The following INTS8 variants were observed in gnomAD, a reference collection of about 807,000 sequenced individuals.
The protein encoded by INTS8 is protein kaonashi-1.
INTS8 carries 47 observed loss-of-function variants against 138.9 expected under a neutral mutation model. The observed-to-expected ratio is 0.34, with a 90% CI of 0.27 to 0.43. The LOEUF is 0.43. Among genes scored for constraint, INTS8 ranks in the 20% least tolerant of loss-of-function variants. The pLI, the probability that INTS8 is intolerant of heterozygous loss-of-function variation, is 1.00. For synonymous variants in INTS8, 392 were observed against 400.9 expected (o/e 0.98, Z 0.27); for missense variants, 996 against 1,173.0 (o/e 0.85, Z 2.20).
At chr8:94,877,206 C>G (rs1427237493) in intron 26 of INTS8, among the ~76,000 whole-genome samples, 3 of 152,130 alleles carry the variant, frequency 2.0e-5, no homozygotes, top group Non-Finnish European at 4.4e-5. Flanking sequence ...TGGGCCAAAA[C>G]ATTTTAAATT....
At chr8:94,849,361 GA>G in intron 10 of INTS8, 100 bp from the exon 11 acceptor site, 1 of 722,220 alleles carries the variant, frequency 1.4e-6, no homozygotes, top group Non-Finnish European at 2.4e-6. Flanking sequence ...GTACATTGTT[GA>G]AAAAGGAAAA....
At chr8:94,879,954 C>G in intron 26 of INTS8, 164 bp from the exon 27 acceptor site, 1 of 508,244 alleles carries the variant, frequency 2.0e-6, no homozygotes, top group East Asian at 3.4e-5. Context: ...CCTGGTTAAT[C>G]TTTATGTTAA....
intron 20 of INTS8, among the ~76,000 whole-genome samples, chr8:94,871,465 G>A (rs1331286487): frequency 6.6e-6 from 1 of 151,368 alleles, no homozygotes; most frequent in Non-Finnish European, 1.5e-5. Flanking sequence ...GCGACAGAGT[G>A]AGACTCCGTC....
Position 94,836,515 on chromosome 8 carries a change from T to A in INTS8, c.754-9T>A, listed in dbSNP as rs1010004860. ...TTGTTAAGCAAATTGGTGTTCATTA[T>A]TATTTCAGGTGTGCTATGATTTGGG... On this transcript the variant is annotated splice_polypyrimidine_tract_variant and intron_variant, in intron 6 of 26. Transcript: ENST00000523731. 2.5e-6 allele frequency: 4 copies of A among 1,606,612 alleles called. No individual in the cohort carries two copies. The highest frequency in any genetic ancestry group is 3.4e-6 in the Non-Finnish European group (4 of 1,174,272).
intron 16 of INTS8, among the ~76,000 whole-genome samples, chr8:94,861,056 CAAAAAAA>C (rs1195647511): frequency 1.0e-4 from 10 of 99,742 alleles, no homozygotes; most frequent in African/African-American, 3.5e-4. Flanking sequence ...GACTCTGTCT[CAAAAAAA>C]AAAAAAAAAA....
At chr8:94,861,414 G>GCAA (rs1563663646) in intron 16 of INTS8, among the ~76,000 whole-genome samples, 1 of 147,638 alleles carries the variant, frequency 6.8e-6, no homozygotes, top group Non-Finnish European at 1.5e-5. Context: ...GGCGCCCACT[G>GCAA]CCATGCCCGG....
intron 15 of INTS8, among the ~76,000 whole-genome samples, chr8:94,857,919 A>T (rs1815813718): frequency 6.6e-6 from 1 of 152,272 alleles, no homozygotes; most frequent in Non-Finnish European, 1.5e-5. Flanking sequence ...TGTTTGAAAG[A>T]ATCAAAATGT....
chr8:94,869,836 A>T (rs1035757146), intron 20 of INTS8, among the ~76,000 whole-genome samples: 3 of 152,038 alleles, frequency 2.0e-5, no homozygotes, highest in African/African-American at 7.2e-5. Flanking sequence ...TCTGTGGCCT[A>T]AGTTTAGACT....
At chr8:94,859,010 A>G (rs565459594) in intron 15 of INTS8, among the ~76,000 whole-genome samples, 1 of 152,282 alleles carries the variant, frequency 6.6e-6, no homozygotes, top group African/African-American at 2.4e-5. Context: ...TCACGCCTAT[A>G]ATCCCAGCAC....
At chr8:94,874,661 A>G in intron 23 of INTS8, 59 bp downstream of exon 23, 1 of 961,018 alleles carries the variant, frequency 1.0e-6, no homozygotes, top group Admixed American at 2.0e-5. Context: ...TTTATAATAA[A>G]TATAAAGCAT....
At chr8:94,870,403 T>G (rs1045199820) in intron 20 of INTS8, among the ~76,000 whole-genome samples, 2 of 152,208 alleles carry the variant, frequency 1.3e-5, no homozygotes, top group Admixed American at 6.5e-5. Flanking sequence ...TGGTACATAG[T>G]AGGCTTAACT....
chr8:94,845,978 A>G (rs1220791440), intron 10 of INTS8, among the ~76,000 whole-genome samples: 1 of 152,204 alleles, frequency 6.6e-6, no homozygotes, highest in African/African-American at 2.4e-5. Flanking sequence ...TGGGTGTCCT[A>G]ATCCATGAAC....
intron 16 of INTS8, among the ~76,000 whole-genome samples, chr8:94,860,565 G>A (rs1815918858): frequency 1.2e-5 from 1 of 83,852 alleles, no homozygotes; most frequent in South Asian, 4.4e-4. Flanking sequence ...GGCAACAAGA[G>A]CGAAACTCTA....
chr8:94,869,788 A>AC (rs1167445232), intron 20 of INTS8, among the ~76,000 whole-genome samples: 5 of 151,758 alleles, frequency 3.3e-5, no homozygotes, highest in Admixed American at 6.6e-5. Flanking sequence ...ACTGCGCCCC[A>AC]CCTAATGGTT....
At chr8:94,833,899 G>A (rs1586473074) in intron 6 of INTS8, among the ~76,000 whole-genome samples, 1 of 152,232 alleles carries the variant, frequency 6.6e-6, no homozygotes, top group East Asian at 1.9e-4. Context: ...AGCCTCCCAA[G>A]TAGCTGGGAT....
At chr8:94,838,430 A>G (rs758604883) in intron 7 of INTS8, 33 bp from the exon 8 acceptor site, 1 of 1,539,150 alleles carries the variant, frequency 6.5e-7, no homozygotes, top group South Asian at 1.1e-5. Flanking sequence ...ATATTACATG[A>G]ATGGATAATG....
intron 8 of INTS8, among the ~76,000 whole-genome samples, chr8:94,840,295 G>T (rs1004424807): frequency 3.2e-4 from 48 of 152,288 alleles, no homozygotes; most frequent in African/African-American, 1.1e-3. Flanking sequence ...GAAGCTAGTG[G>T]TTGCTCCATA....
intron 1 of INTS8, among the ~76,000 whole-genome samples, chr8:94,824,672 A>G (rs1209994589): frequency 7.1e-6 from 1 of 140,176 alleles, no homozygotes; most frequent in Non-Finnish European, 1.5e-5. Context: ...CCTCCTTACC[A>G]CTCTTCCGCA....
chr8:94,881,088 T>C lies in INTS8; in HGVS notation c.*854T>C, dbSNP rs2131091999. The C allele has an allele frequency of 2.5e-6, 1 of 397,476 alleles. No homozygotes were observed. The highest frequency in any genetic ancestry group is 3.6e-5 in the East Asian group (1 of 27,960). 24.6% of individuals were successfully genotyped at this position (397,476 alleles called of 1,614,324 possible). Reference sequence around the variant, plus strand: ...TCACCATTTGTAGAAATTCAAGTTTTATAATAGCTTGCTATAGCAGCTATA... The same window carrying C: ...TCACCATTTGTAGAAATTCAAGTTTCATAATAGCTTGCTATAGCAGCTATA... On this transcript the variant is annotated 3_prime_UTR_variant, in exon 27 of 27. Coordinates refer to ENST00000523731, the MANE Select transcript of INTS8 (RefSeq NM_017864.4).
Sources: allele counts gnomAD v4.1 joint callset (sites outside exome capture counted in the v4.1 genomes callset), GRCh38; gene constraint gnomAD v4.1.1; transcripts MANE v1.5; gene names NCBI Gene and HGNC (gene_info 2026-07-23, HGNC 2026-07-21).